JARID2: variants seen among roughly 807,000 people sequenced by gnomAD.
JARID2 encodes jumonji and AT-rich interaction domain containing 2, also known as protein Jumonji.
JARID2 carries 21 observed loss-of-function variants against 125.6 expected under a neutral mutation model. The ratio of observed to expected loss-of-function variants is 0.17; its 90% CI spans 0.12 to 0.24. The LOEUF (loss-of-function observed/expected upper bound fraction) is 0.24. JARID2 is among the 10% of genes least tolerant of loss of function. The pLI, the probability that JARID2 is intolerant of heterozygous loss-of-function variation, is 1.00. For missense variants in JARID2, 1,303 were observed against 1,639.6 expected (o/e 0.79, Z 3.55); for synonymous variants, 736 against 661.6 (o/e 1.11, Z -1.73).
At chr6:15,512,494 A>G (rs775530283) in intron 14 of JARID2, 104 bp downstream of exon 14, 23 of 1,062,714 alleles carry the variant, frequency 2.2e-5, no homozygotes, top group African/African-American at 3.1e-5. Context: ...CTATTTGTCA[A>G]TAGTTCCTTT....
At position 15,389,651 on chromosome 6, in the gene JARID2, GCTGGCA is replaced by G. The variant is rs1764925265; in HGVS notation, c.181+15402_181+15407del. Among the ~76,000 whole-genome samples, 7 of 152,318 alleles carry G rather than the reference GCTGGCA, an allele frequency of 4.6e-5. No homozygotes were observed. The South Asian group carries it at 1.4e-3, about 32-fold the overall frequency. On this transcript the variant is annotated intron_variant, in intron 2 of 17. Transcript: ENST00000341776. ...TAAAGGGTGAGCTGGAAGGCTCTCA[GCTGGCA>G]CTTTCTGAATCCCTCTGAGGAAAAT... is the stretch of plus-strand genomic sequence containing the variant.
intron 8 of JARID2, among the ~76,000 whole-genome samples, chr6:15,503,050 T>G (rs1017186206): frequency 1.3e-5 from 2 of 152,210 alleles, no homozygotes; most frequent in African/African-American, 4.8e-5. Flanking sequence ...AAATAAGAGG[T>G]TTGGATTTGT....
intron 4 of JARID2, among the ~76,000 whole-genome samples, chr6:15,466,033 A>AC (rs760495767): frequency 3.9e-4 from 59 of 152,078 alleles, no homozygotes; most frequent in Non-Finnish European, 6.5e-4. Context: ...CGAACTCCTG[A>AC]CCTCAGGTGC....
intron 1 of JARID2, chr6:15,247,949 C>T: frequency 1.0e-6 from 1 of 985,488 alleles, no homozygotes; most frequent in Non-Finnish European, 1.2e-6. Context: ...GGACGCCTTC[C>T]CGGGGCACGT....
intron 3 of JARID2, among the ~76,000 whole-genome samples, chr6:15,431,284 GT>G (rs1766955241): frequency 6.6e-6 from 1 of 152,178 alleles, no homozygotes; most frequent in Admixed American, 6.5e-5. Context: ...ACTGGGTGCT[GT>G]GAGTCTTCCT....
intron 2 of JARID2, among the ~76,000 whole-genome samples, chr6:15,376,000 AG>A (rs1431560366): frequency 2.0e-5 from 3 of 152,230 alleles, no homozygotes; most frequent in Admixed American, 1.3e-4. Context: ...CAAAAACTAA[AG>A]TTTGTCATTC....
At chr6:15,415,022 G>C (rs977179652) in intron 3 of JARID2, among the ~76,000 whole-genome samples, 5 of 152,128 alleles carry the variant, frequency 3.3e-5, no homozygotes, top group African/African-American at 4.8e-5. Flanking sequence ...GACTCTTAAC[G>C]AGCATGCTGC....
intron 1 of JARID2, among the ~76,000 whole-genome samples, chr6:15,347,385 G>T (rs1353742706): frequency 6.6e-6 from 1 of 152,086 alleles, no homozygotes; most frequent in Non-Finnish European, 1.5e-5. Context: ...GATGATGAGA[G>T]AAATGATTAT....
intron 1 of JARID2, among the ~76,000 whole-genome samples, chr6:15,373,531 T>C (rs1764245185): frequency 6.6e-6 from 1 of 152,228 alleles, no homozygotes; most frequent in African/African-American, 2.4e-5. Context: ...CCAAGATCAG[T>C]TGCCTCCTTC....
intron 1 of JARID2, among the ~76,000 whole-genome samples, chr6:15,262,698 CG>C (rs1229643168): frequency 6.6e-6 from 1 of 151,874 alleles, no homozygotes; most frequent in Non-Finnish European, 1.5e-5. Flanking sequence ...CCACCACGCC[CG>C]GCTAATTTTT....
At chr6:15,513,458 T>C in intron 16 of JARID2, 36 bp downstream of exon 16, 1 of 1,561,278 alleles carries the variant, frequency 6.4e-7, no homozygotes, top group Non-Finnish European at 8.7e-7. Flanking sequence ...CCCTCGCATG[T>C]AGTGCTTGGC....
intron 3 of JARID2, among the ~76,000 whole-genome samples, chr6:15,436,374 C>G (rs1387262755): frequency 6.6e-6 from 1 of 152,230 alleles, no homozygotes; most frequent in Non-Finnish European, 1.5e-5. Flanking sequence ...TGCCAGTGCT[C>G]TTCTGCGGCC....
At chr6:15,423,293 T>A (rs1487629723) in intron 3 of JARID2, among the ~76,000 whole-genome samples, 2 of 152,172 alleles carry the variant, frequency 1.3e-5, no homozygotes, top group Non-Finnish European at 2.9e-5. Context: ...CCACTATGCC[T>A]GGCCTGCATC....
chr6:15,300,791 T>G (rs950559580), intron 1 of JARID2, among the ~76,000 whole-genome samples: 1 of 150,060 alleles, frequency 6.7e-6, no homozygotes, highest in Admixed American at 6.7e-5. Context: ...CAGTCCCCCC[T>G]TTATGTATGA....
intron 2 of JARID2, among the ~76,000 whole-genome samples, chr6:15,402,652 C>T (rs1283010374): frequency 6.6e-6 from 1 of 152,212 alleles, no homozygotes; most frequent in Non-Finnish European, 1.5e-5. Context: ...CTCATGGTTA[C>T]ACATCAGCCT....
intron 3 of JARID2, among the ~76,000 whole-genome samples, chr6:15,441,353 A>C (rs2127618307): frequency 6.6e-6 from 1 of 152,320 alleles, no homozygotes; most frequent in South Asian, 2.1e-4. Flanking sequence ...GCAGGTCCTA[A>C]AAATTGGCTA....
intron 1 of JARID2, among the ~76,000 whole-genome samples, chr6:15,296,813 C>G (rs955763568): frequency 6.6e-6 from 1 of 152,204 alleles, no homozygotes; most frequent in African/African-American, 2.4e-5. Flanking sequence ...GTGTTCCCAG[C>G]CCCCTGTCTT....
chr6:15,366,790 A>G (rs1763995266), intron 1 of JARID2, among the ~76,000 whole-genome samples: 2 of 152,138 alleles, frequency 1.3e-5, no homozygotes, highest in Admixed American at 1.3e-4. Context: ...AAGTGCACCT[A>G]GGTTGCCACC....
rs1770699709 is a variant in JARID2 at position 15,500,836 on chromosome 6, G to A, written c.1946-71G>A. 8.1e-6 allele frequency: 11 copies of A among 1,357,722 alleles called. No individual in the cohort carries two copies. The South Asian group carries it at 1.5e-4, about 18-fold the overall frequency. 84.1% of individuals were successfully genotyped at this position (1,357,722 alleles called of 1,614,324 possible). ...CATAGTAGGAGTTCAAGAAGTACAG[G>A]TTGAATGAGGAACATCTTGTTCGTG... On this transcript the variant is annotated intron_variant, in intron 7 of 17. Coordinates refer to ENST00000341776, the MANE Select transcript of JARID2 (RefSeq NM_004973.4).
Sources: gnomAD v4.1 joint callset for allele counts (sites outside exome capture counted in the v4.1 genomes callset) on GRCh38, gnomAD v4.1.1 for gene constraint, MANE v1.5 for transcripts, NCBI Gene and HGNC (gene_info 2026-07-23, HGNC 2026-07-21) for gene names.